L3MBTL2: variants seen among roughly 807,000 people sequenced by gnomAD.
L3MBTL2 encodes the protein lethal(3)malignant brain tumor-like protein 2.
L3MBTL2 carries 49 observed loss-of-function variants against 86.4 expected under a neutral mutation model. The ratio of observed to expected loss-of-function variants is 0.57; its 90% CI spans 0.45 to 0.72. The LOEUF (loss-of-function observed/expected upper bound fraction) is 0.72, where lower values mean the gene tolerates loss of function less well. Ranked by LOEUF, L3MBTL2 falls within the 30% of genes least tolerant of loss-of-function variation. The pLI is 0.00. For synonymous variants in L3MBTL2, 336 were observed against 350.6 expected, an observed-to-expected ratio of 0.96 and a Z score of 0.47; for missense variants, 755 against 923.7, an observed-to-expected ratio of 0.82 and a Z score of 2.37.
At chr22:41,209,412 T>G in intron 1 of L3MBTL2, 1 of 330,154 alleles carries the variant, frequency 3.0e-6, no homozygotes, top group Non-Finnish European at 5.8e-6. Flanking sequence ...TGGCCCACAT[T>G]GTTATACAGT....
Position 41,215,457 on chromosome 22 carries a change from G to A in L3MBTL2, c.397-682G>A, listed in dbSNP as rs532381163. 3.7e-3 allele frequency among the ~76,000 whole-genome samples: 568 copies of A among 152,300 alleles called. 3 individuals carry two copies. Among genetic ancestry groups the A allele is most frequent in the Non-Finnish European group, 6.1e-3 (418 of 68,026 alleles). On this transcript the variant is annotated intron_variant, in intron 3 of 16. Transcript: ENST00000216237. ...AAACTGTAGAACTGGGATTTGCCCT[G>A]TAGGTTTGTTTGGGACTTAAACCCA... is the stretch of plus-strand genomic sequence containing the variant.
chr22:41,229,794 C>G, intron 16 of L3MBTL2, 138 bp downstream of exon 16: 4 of 1,404,056 alleles, frequency 2.8e-6, no homozygotes, highest in Non-Finnish European at 3.0e-6. Context: ...AGTCCTGTAC[C>G]ACTGGACCCA....
Position 41,225,112 on chromosome 22 carries a change from CG to C in L3MBTL2, c.1356+47del. ...GCTCTCCAGCCTCCAGATTTCTGAG[CG>C]GGGGGACCCATGTGGCCCAGAGCTC... On this transcript the variant is annotated intron_variant, in intron 11 of 16. Coordinates refer to ENST00000216237, the MANE Select transcript of L3MBTL2 (RefSeq NM_031488.5). This position sits in a 1 kb window ranked among gnomAD's most constrained non-coding sequence, Gnocchi z 4.1. 2.0e-6 allele frequency: 3 copies of C among 1,534,328 alleles called. No individual in the cohort carries two copies. Among genetic ancestry groups the C allele is most frequent in the Middle Eastern group, 1.8e-4 (1 of 5,464 alleles).
chr22:41,207,770 C>T (rs1569134521), intron 1 of L3MBTL2, among the ~76,000 whole-genome samples: 1 of 152,048 alleles, frequency 6.6e-6, no homozygotes, highest in Non-Finnish European at 1.5e-5. Context: ...ACCTCCCAGG[C>T]TCAAGCTGTC....
rs747918741 is a variant in L3MBTL2 at position 41,220,863 on chromosome 22, C to T, written c.848C>T (p.Pro283Leu). The T allele has an allele frequency of 6.2e-7, 1 of 1,612,900 alleles. No individual in the cohort carries two copies. Among genetic ancestry groups the T allele is most frequent in the African/African-American group, 1.3e-5 (1 of 75,012 alleles). ...CAINSKILVP[P>L]RTIHAKFTDW... Reference sequence around the variant, plus strand: ...ATCAACAGCAAGATCCTAGTGCCCCCACGGAGTGAGTTGATGAGAACATTT... The same window carrying T: ...ATCAACAGCAAGATCCTAGTGCCCCTACGGAGTGAGTTGATGAGAACATTT... Residue 283 changes from proline (P) to leucine (L), a missense_variant, in exon 7 of 17, where the codon CCA becomes CTA. Physicochemically the swap from Pro to Leu is moderately conservative, Grantham distance 98. This residue lies in a region of L3MBTL2 where 634 missense variants were observed against 748.9 expected (regional missense o/e 0.85). Coordinates refer to ENST00000216237, the MANE Select transcript of L3MBTL2 (RefSeq NM_031488.5).
At position 41,223,364 on chromosome 22, in the gene L3MBTL2, A is replaced by G. The variant is rs2031964338; in HGVS notation, c.943-656A>G. ...ACTGAAGTCACAGTGAACAAAAAGA[A>G]CCTCCTCCTCTGTACCCCAGCACCA... On this transcript the variant is annotated intron_variant, in intron 8 of 16. Coordinates refer to ENST00000216237, the MANE Select transcript of L3MBTL2 (RefSeq NM_031488.5). Among the ~76,000 whole-genome samples the G allele has an allele frequency of 5.3e-5, 8 of 152,070 alleles. 1 individual carries two copies.
At chr22:41,210,911 A>T (rs1372846506) in intron 2 of L3MBTL2, among the ~76,000 whole-genome samples, 2 of 152,240 alleles carry the variant, frequency 1.3e-5, no homozygotes, top group Non-Finnish European at 2.9e-5. Context: ...GAAGATAGGA[A>T]ACCTAAAGTG....
At position 41,225,780 on chromosome 22, in the gene L3MBTL2, C is replaced by T. The variant is rs566324188; in HGVS notation, c.1357-14C>T. 3.1e-6 allele frequency: 5 copies of T among 1,603,020 alleles called. No individual in the cohort carries two copies. In the African/African-American group the frequency reaches 5.3e-5, roughly 17 times the overall value. On this transcript the variant is annotated splice_polypyrimidine_tract_variant and intron_variant, in intron 11 of 16. Coordinates refer to ENST00000216237, the MANE Select transcript of L3MBTL2 (RefSeq NM_031488.5). The surrounding 1 kb of genome is among the most constrained non-coding windows in gnomAD (Gnocchi z 4.1). ...CATGATATGATCTGTCTGCCTGCTCCCCCCACCCCCCAGGTTCTCCTGGAT... is the reference window on the plus strand; with the variant it reads ...CATGATATGATCTGTCTGCCTGCTCTCCCCACCCCCCAGGTTCTCCTGGAT...
Position 41,224,854 on chromosome 22 carries a change from C to T in L3MBTL2, c.1251+53C>T, listed in dbSNP as rs2032073151. 1 of 1,558,982 alleles carries T rather than the reference C, an allele frequency of 6.4e-7. No homozygotes were observed. The highest frequency in any genetic ancestry group is 8.8e-7 in the Non-Finnish European group (1 of 1,130,248). On this transcript the variant is annotated intron_variant, in intron 10 of 16. Transcript: ENST00000216237. The surrounding 1 kb of genome is among the most constrained non-coding windows in gnomAD (Gnocchi z 4.9). ...CCCTCAGCCATGGGTCCATTCCGGG[C>T]CTGAGGGACCTGGCTCTTCCCCTGG...
At chr22:41,219,241 C>T (rs1321762185) in intron 5 of L3MBTL2, 178 bp from the exon 6 acceptor site, 3 of 539,360 alleles carry the variant, frequency 5.6e-6, no homozygotes, top group Non-Finnish European at 1.0e-5. Flanking sequence ...CTACTCCCGG[C>T]TTAGCTCTTC....
At position 41,222,814 on chromosome 22, in the gene L3MBTL2, A is replaced by G. The variant is rs186747867; in HGVS notation, c.943-1206A>G. On this transcript the variant is annotated intron_variant, in intron 8 of 16. Coordinates refer to ENST00000216237, the MANE Select transcript of L3MBTL2 (RefSeq NM_031488.5). ...ATGCGCCTGTAATCCCAGCTAACTC[A>G]GGAGGCTGAGGTGAGAGAATCGCTT... Among the ~76,000 whole-genome samples the G allele has an allele frequency of 2.6e-5, 4 of 152,292 alleles. No individual in the cohort carries two copies. The East Asian group carries it at 7.7e-4, about 29-fold the overall frequency.
chr22:41,220,983 C>A, intron 7 of L3MBTL2, 115 bp downstream of exon 7: 3 of 1,279,370 alleles, frequency 2.3e-6, no homozygotes, highest in Non-Finnish European at 2.1e-6. Context: ...ACAGAATCCA[C>A]TTGCCCCCTG....
At position 41,224,856 on chromosome 22, in the gene L3MBTL2, T is replaced by C; in HGVS notation, c.1251+55T>C. The C allele has an allele frequency of 6.4e-7, 1 of 1,564,178 alleles. No individual in the cohort carries two copies. Among genetic ancestry groups the C allele is most frequent in the East Asian group, 2.2e-5 (1 of 44,546 alleles). On this transcript the variant is annotated intron_variant, in intron 10 of 16. Transcript: ENST00000216237. The surrounding 1 kb of genome is among the most constrained non-coding windows in gnomAD (Gnocchi z 4.9). ...CTCAGCCATGGGTCCATTCCGGGCC[T>C]GAGGGACCTGGCTCTTCCCCTGGGA...
intron 8 of L3MBTL2, among the ~76,000 whole-genome samples, chr22:41,222,613 T>TG (rs951709009): frequency 1.2e-4 from 18 of 149,816 alleles, no homozygotes; most frequent in African/African-American, 4.4e-4. Context: ...CTTCGTCTCT[T>TG]GAAAAAAAAA....
chr22:41,208,533 C>A, intron 1 of L3MBTL2: 1 of 275,234 alleles, frequency 3.6e-6, no homozygotes, highest in Non-Finnish European at 7.2e-6. Context: ...AAGTTGAAGC[C>A]CACAGAAGTT....
At chr22:41,216,330 C>T in intron 4 of L3MBTL2, 68 bp downstream of exon 4, 1 of 1,570,100 alleles carries the variant, frequency 6.4e-7, no homozygotes. Context: ...TTGGGGTGGC[C>T]TTTCCTAGGA....
rs774690558 is a variant in L3MBTL2, at chr22:41,221,230, C to T, written c.885C>T (p.Gly295=). The change falls in exon 8 of 17, where the codon GGC becomes GGT. Residue 295 remains glycine (G), a synonymous_variant. Transcript: ENST00000216237. The stretch of plus-strand genomic sequence containing the variant: ...ATGCCAAGTTCACCGACTGGAAGGG[C>T]TACCTCATGAAACGGCTGGTGGGCT... ...TIHAKFTDWK[G]YLMKRLVGSR... is the part of the protein sequence containing the mutation. The T allele has an allele frequency of 1.5e-5, 24 of 1,551,362 alleles. No individual in the cohort carries two copies. Among genetic ancestry groups the T allele is most frequent in the Non-Finnish European group, 2.0e-5 (23 of 1,146,726 alleles).
intron 16 of L3MBTL2, 124 bp downstream of exon 16, chr22:41,229,780 A>G (rs757623560): frequency 6.6e-7 from 1 of 1,520,060 alleles, no homozygotes; most frequent in Non-Finnish European, 9.0e-7. Flanking sequence ...TCTGGGCACC[A>G]AGCAGTCCTG....
In L3MBTL2 at chr22:41,216,246, A is replaced by T. The variant is rs763592335; in HGVS notation, c.504A>T (p.Thr168=). ...GGACAGGACAGCTGGCAGATGGGAC[A>T]CCAACAGGACAAGACGGTAAGATAG... ...SQGTGQLADG[T]PTGQDALVLG... The change falls in exon 4 of 17, where the codon ACA becomes ACT. Residue 168 remains threonine (T), a synonymous_variant. Transcript: ENST00000216237. The T allele has an allele frequency of 2.5e-5, 40 of 1,613,982 alleles. No homozygotes were observed. Among genetic ancestry groups the T allele is most frequent in the Non-Finnish European group, 2.9e-5 (34 of 1,179,986 alleles).
Sources: allele counts gnomAD v4.1 joint callset (sites outside exome capture counted in the v4.1 genomes callset), GRCh38; gene constraint gnomAD v4.1.1; regional missense constraint gnomAD v4.1.1; non-coding constraint Gnocchi (gnomAD v3.1); transcripts MANE v1.5; gene names NCBI Gene and HGNC (gene_info 2026-07-23, HGNC 2026-07-21).